CFAP410: variants seen among roughly 807,000 people sequenced by gnomAD.
The protein encoded by CFAP410 is cilia- and flagella-associated protein 410.
Under a neutral mutation model 25.7 loss-of-function variants are expected in CFAP410, and 27 were observed. The observed-to-expected ratio is 1.05, with a 90% confidence interval of 0.77 to 1.45. The LOEUF is 1.45. CFAP410 is among the 40% of genes most tolerant of loss of function. The probability of loss-of-function intolerance (pLI) is 0.00; values close to 1 mark genes in which losing one functional copy is unlikely to be tolerated. For missense variants in CFAP410, 428 were observed against 354.1 expected (o/e 1.21, Z -1.67); for synonymous variants, 178 against 158.4 (o/e 1.12, Z -0.93).
chr21:44,338,702 C>T, intron 1 of CFAP410: 1 of 153,364 alleles, frequency 6.5e-6, no homozygotes, highest in Non-Finnish European at 1.4e-5. Flanking sequence ...GGCCTCCTCC[C>T]CTCCCTCACC....
At chr21:44,331,028 A>C in intron 5 of CFAP410, 109 bp from the exon 6 acceptor site, 4 of 1,000,440 alleles carry the variant, frequency 4.0e-6, no homozygotes, top group East Asian at 2.6e-5. Flanking sequence ...GCTCATACAA[A>C]TCCCACCTGG....
chr21:44,331,482 G>C (rs867302681), intron 5 of CFAP410: 1 of 306,354 alleles, frequency 3.3e-6, no homozygotes, highest in Admixed American at 5.0e-5. Flanking sequence ...ACTGATGGCC[G>C]TGCCCACAAA....
intron 6 of CFAP410, 31 bp from the exon 7 acceptor site, chr21:44,330,357 C>G (rs777176712): frequency 1.0e-5 from 16 of 1,596,906 alleles, no homozygotes; most frequent in Non-Finnish European, 1.3e-5. Context: ...ACTAAGCCCA[C>G]CCGGCACGGC....
Position 44,331,836 on chromosome 21 carries a change from G to A in CFAP410, c.545+7C>T, listed in dbSNP as rs537750706. 4.4e-6 allele frequency: 7 copies of A among 1,608,844 alleles called. No individual in the cohort carries two copies. In the Admixed American group the frequency reaches 1.0e-4, roughly 23 times the overall value. ...GCTGCGGAGTCCCCGCTGCCCTCCA[G>A]CCTCACGTTGCCTCCTCCTCGCTGT... On this transcript the variant is annotated splice_region_variant and intron_variant, in intron 5 of 6. Transcript: ENST00000339818.
chr21:44,338,280 T>C lies in CFAP410; in HGVS notation c.78-613A>G. ...CCTGGGAGGAAGCGTCTGCTCTCGC[T>C]GACCCCCACACCCGCCTGCACGGTG... On this transcript the variant is annotated intron_variant, in intron 1 of 6. Transcript: ENST00000339818. The C allele has an allele frequency of 1.6e-6, 2 of 1,286,580 alleles. 1 individual carries two copies. Among genetic ancestry groups the C allele is most frequent in the Middle Eastern group, 4.3e-4 (2 of 4,680 alleles). 79.7% of individuals were successfully genotyped at this position (1,286,580 alleles called of 1,614,324 possible).
At chr21:44,338,287 C>A (rs779021822) in intron 1 of CFAP410, 46 of 1,287,906 alleles carry the variant, frequency 3.6e-5, no homozygotes, top group Non-Finnish European at 4.7e-5. Context: ...CGCTGACCCC[C>A]ACACCCGCCT....
chr21:44,332,816 C>A, intron 4 of CFAP410: 1 of 576,946 alleles, frequency 1.7e-6, no homozygotes. Flanking sequence ...ACTGTCAGTC[C>A]CAGGAGGGAC....
At chr21:44,332,993 T>C (rs756627311) in intron 4 of CFAP410, 40 bp downstream of exon 4, 45 of 1,333,100 alleles carry the variant, frequency 3.4e-5, no homozygotes, top group South Asian at 2.6e-5. Context: ...CTTCCAGGGA[T>C]TGTTTTGGGA....
chr21:44,333,153 C>T lies in CFAP410; in HGVS notation c.253G>A (p.Gly85Arg), dbSNP rs377185498. 2.0e-4 allele frequency: 316 copies of T among 1,612,516 alleles called. No homozygotes were observed. Among genetic ancestry groups the T allele is most frequent in the Non-Finnish European group, 2.6e-4 (302 of 1,179,860 alleles). The change falls in exon 4 of 7, where the codon GGG becomes AGG. Residue 85 changes from glycine (G) to arginine (R), a missense_variant. Transcript: ENST00000339818. Reference protein sequence around the residue: ...PSLAELFYLKGLPRLRVLWLA... With the variant: ...PSLAELFYLKRLPRLRVLWLA... ...CACAGCACCCGCAGACGCGGCAGCC[C>T]CTTCAGGTAGAAGAGCTCAGCCAGG...
Position 44,330,153 on chromosome 21 carries a change from C to T in CFAP410, c.*45G>A, listed in dbSNP as rs376322324. On this transcript the variant is annotated 3_prime_UTR_variant, in exon 7 of 7. Transcript: ENST00000339818. ...TCCAGCTCCCGGGGGCTGGGGAAGA[C>T]GCTGGGGTCCCCGTGGAGGCTGGAG... 290 of 1,536,806 alleles carry T rather than the reference C, an allele frequency of 1.9e-4. No homozygotes were observed. Among genetic ancestry groups the T allele is most frequent in the South Asian group, 5.2e-4 (44 of 84,020 alleles).
At chr21:44,332,683 TACTG>T (rs1332509685) in intron 4 of CFAP410, 16 of 296,368 alleles carry the variant, frequency 5.4e-5, no homozygotes, top group African/African-American at 2.1e-4. Context: ...GCTTGCCAGA[TACTG>T]ACGCCCCCGC....
intron 2 of CFAP410, chr21:44,336,729 G>C (rs2146082984): frequency 1.3e-5 from 2 of 151,896 alleles, no homozygotes; most frequent in Middle Eastern, 6.8e-3. Flanking sequence ...ACGTATCCAG[G>C]CTTTTTTTTG....
At chr21:44,335,315 G>A (rs879887775) in intron 3 of CFAP410, 3 of 196,008 alleles carry the variant, frequency 1.5e-5, no homozygotes, top group Non-Finnish European at 3.2e-5. Flanking sequence ...ATGGGGTGCA[G>A]AGAAACTGGT....
Position 44,337,846 on chromosome 21 carries a change from G to C in CFAP410, c.78-179C>G, listed in dbSNP as rs539568534. On this transcript the variant is annotated intron_variant, in intron 1 of 6. Coordinates refer to ENST00000339818, the MANE Select transcript of CFAP410 (RefSeq NM_004928.3). Reference sequence around the variant, plus strand: ...GGCAAAGGTGTAAACAATTGTTTTAGCTGATTTTCAACTAAACTGTATGTT... The same window carrying C: ...GGCAAAGGTGTAAACAATTGTTTTACCTGATTTTCAACTAAACTGTATGTT... Among the ~76,000 whole-genome samples the C allele has an allele frequency of 7.9e-5, 12 of 152,314 alleles. No individual in the cohort carries two copies. In the South Asian group the frequency reaches 2.3e-3, roughly 29 times the overall value.
rs2146052729 is a variant in CFAP410 at position 44,330,115 on chromosome 21, A to G, written c.*83T>C. The G allele has an allele frequency of 2.1e-6, 3 of 1,449,088 alleles. No homozygotes were observed. The highest frequency in any genetic ancestry group is 1.3e-5 in the South Asian group (1 of 78,644). The allele number at this position is 1,449,088 out of a possible 1,614,324, so 89.8% of individuals were successfully genotyped here. On this transcript the variant is annotated 3_prime_UTR_variant, in exon 7 of 7. Coordinates refer to ENST00000339818, the MANE Select transcript of CFAP410 (RefSeq NM_004928.3). Reference sequence around the variant, plus strand: ...TTTGTGTGGGGCCGGGGCTGCGGCCATGGCAGCCACCCTCCAGCTCCCGGG... The same window carrying G: ...TTTGTGTGGGGCCGGGGCTGCGGCCGTGGCAGCCACCCTCCAGCTCCCGGG...
chr21:44,334,424 C>T, intron 3 of CFAP410: 2 of 373,892 alleles, frequency 5.3e-6, no homozygotes, highest in Non-Finnish European at 1.1e-5. Flanking sequence ...GGAGGCAGGC[C>T]TGAAATCCCA....
intron 2 of CFAP410, 128 bp downstream of exon 2, chr21:44,337,521 G>A: frequency 1.4e-6 from 1 of 734,806 alleles, no homozygotes. Context: ...AGTACCAAGT[G>A]TGGGACTGAA....
In CFAP410 at chr21:44,330,279, C is replaced by T. The variant is rs762884270; in HGVS notation, c.690G>A (p.Glu230=). 3.5e-5 allele frequency: 56 copies of T among 1,608,504 alleles called. No individual in the cohort carries two copies. Among genetic ancestry groups the T allele is most frequent in the Middle Eastern group, 1.6e-4 (1 of 6,072 alleles). Residue 230 remains glutamate, a synonymous_variant, in exon 7 of 7, where the codon GAG becomes GAA. Coordinates refer to ENST00000339818, the MANE Select transcript of CFAP410 (RefSeq NM_004928.3). Reference sequence around the variant, plus strand: ...CAGTCTGCTGCACGGCCTCCAGCCCCTCTGCATCCAGCTCCCGCAGCAGCA... The same window carrying T: ...CAGTCTGCTGCACGGCCTCCAGCCCTTCTGCATCCAGCTCCCGCAGCAGCA... ...ILLLLRELDA[E]GLEAVQQTVG...
chr21:44,333,982 C>A, intron 3 of CFAP410: 2 of 402,046 alleles, frequency 5.0e-6, no homozygotes, highest in Non-Finnish European at 1.0e-5. Context: ...CGTCCTGAGC[C>A]CCCCTCCCCA....
Sources: gnomAD v4.1 joint callset for allele counts (sites outside exome capture counted in the v4.1 genomes callset) on GRCh38, gnomAD v4.1.1 for gene constraint, MANE v1.5 for transcripts, NCBI Gene and HGNC (gene_info 2026-07-23, HGNC 2026-07-21) for gene names.